STAMBP: variants seen among roughly 807,000 people sequenced by gnomAD.
The protein encoded by STAMBP is STAM-binding protein.
Under a neutral mutation model 50.7 loss-of-function variants are expected in STAMBP, and 31 were observed. The observed-to-expected ratio is 0.61, with a 90% CI of 0.46 to 0.83. STAMBP has a LOEUF of 0.83. Among genes scored for constraint, STAMBP ranks in the 40% least tolerant of loss-of-function variants. The pLI is 0.00. For missense variants in STAMBP, 472 were observed against 518.9 expected, an observed-to-expected ratio of 0.91 and a Z score of 0.88; for synonymous variants, 211 against 192.4, an observed-to-expected ratio of 1.10 and a Z score of -0.80.
intron 1 of STAMBP, 145 bp downstream of exon 1, chr2:73,829,655 C>T (rs1002045089): frequency 1.3e-5 from 2 of 152,230 alleles, no homozygotes; most frequent in African/African-American, 4.8e-5. Flanking sequence ...ACTATCTCTG[C>T]ATCCCTAGTA....
chr2:73,836,861 A>G (rs985314551), intron 2 of STAMBP, among the ~76,000 whole-genome samples: 1 of 152,148 alleles, frequency 6.6e-6, no homozygotes, highest in Non-Finnish European at 1.5e-5. Context: ...TGGGGAAGAA[A>G]TGGAGGCTTA....
intron 2 of STAMBP, among the ~76,000 whole-genome samples, chr2:73,836,618 C>T (rs1028201683): frequency 2.0e-5 from 3 of 152,220 alleles, no homozygotes; most frequent in Non-Finnish European, 4.4e-5. Context: ...GAGAACACTC[C>T]GCTTGGCCCG....
intron 5 of STAMBP, 36 bp from the exon 6 acceptor site, chr2:73,849,327 C>T: frequency 1.2e-6 from 2 of 1,612,096 alleles, no homozygotes; most frequent in Non-Finnish European, 1.7e-6. Context: ...AGGCAGGGCT[C>T]AGTGGTCGCA....
chr2:73,870,669 T>C (rs951045113), downstream of STAMBP, among the ~76,000 whole-genome samples: 2 of 152,222 alleles, frequency 1.3e-5, no homozygotes, highest in Non-Finnish European at 2.9e-5. Flanking sequence ...TATTCTTAGA[T>C]ATCCCTCCAT....
intron 6 of STAMBP, among the ~76,000 whole-genome samples, chr2:73,849,893 G>A (rs1179375330): frequency 6.6e-6 from 1 of 152,174 alleles, no homozygotes; most frequent in Non-Finnish European, 1.5e-5. Context: ...AATATGTACA[G>A]TATAAGTATT....
intron 2 of STAMBP, among the ~76,000 whole-genome samples, chr2:73,835,562 G>A (rs1674613549): frequency 6.6e-6 from 1 of 152,088 alleles, no homozygotes; most frequent in South Asian, 2.1e-4. Flanking sequence ...AGAGTAGTTA[G>A]GAAATTCTTG....
intron 9 of STAMBP, among the ~76,000 whole-genome samples, chr2:73,861,927 C>T (rs1678377490): frequency 1.3e-5 from 2 of 152,084 alleles, no homozygotes; most frequent in Admixed American, 1.3e-4. Flanking sequence ...TACTTGAGGT[C>T]AGGAGTTCAA....
chr2:73,856,861 A>G (rs1203203974), intron 7 of STAMBP, among the ~76,000 whole-genome samples: 1 of 152,128 alleles, frequency 6.6e-6, no homozygotes, highest in Non-Finnish European at 1.5e-5. Context: ...TGCCTGAAGG[A>G]GGTCTCCAAG....
At chr2:73,871,007 C>T (rs1425823491), downstream of STAMBP, among the ~76,000 whole-genome samples, 1 of 152,104 alleles carries the variant, frequency 6.6e-6, no homozygotes. Flanking sequence ...TGGCCTCAAG[C>T]AATTCTCCCA....
At chr2:73,837,913 G>A (rs1055573021) in intron 2 of STAMBP, among the ~76,000 whole-genome samples, 6 of 152,170 alleles carry the variant, frequency 3.9e-5, no homozygotes, top group Admixed American at 6.5e-5. Flanking sequence ...GGTTCAAGAG[G>A]CAGGAGGAAA....
chr2:73,830,557 C>T (rs913932856), intron 1 of STAMBP, among the ~76,000 whole-genome samples: 4 of 152,250 alleles, frequency 2.6e-5, no homozygotes, highest in African/African-American at 9.6e-5. Context: ...ATTTGATTAA[C>T]TTGAACTGAA....
Position 73,849,402 on chromosome 2 carries a change from G to T in STAMBP, c.782G>T (p.Gly261Val), listed in dbSNP as rs904813929. The T allele has an allele frequency of 6.2e-7, 1 of 1,614,066 alleles. No individual in the cohort carries two copies. The highest frequency in any genetic ancestry group is 1.7e-5 in the Admixed American group (1 of 60,004). ...GGATTGCGCCATGTGGTGGTGCCTG[G>T]GCGGCTGTGCCCACAGTTTCTCCAG... Reference protein sequence around the residue: ...IDGLRHVVVPGRLCPQFLQLA... With the variant: ...IDGLRHVVVPVRLCPQFLQLA... The change falls in exon 6 of 10, where the codon GGG becomes GTG. Residue 261 changes from glycine to valine, a missense_variant. By Grantham distance (109) the Gly-to-Val change is moderately radical. Transcript: ENST00000394070.
At chr2:73,846,619 C>A in intron 4 of STAMBP, among the ~76,000 whole-genome samples, 1 of 139,078 alleles carries the variant, frequency 7.2e-6, no homozygotes, top group African/African-American at 2.7e-5. Context: ...GAGTGAGACT[C>A]TCTAAGAAAA....
downstream of STAMBP, among the ~76,000 whole-genome samples, chr2:73,868,162 A>G (rs561404388): frequency 2.6e-3 from 393 of 152,118 alleles, no homozygotes; most frequent in African/African-American, 9.0e-3. Flanking sequence ...AGTAAATGAC[A>G]TAAGTCATTT....
At chr2:73,857,128 T>C (rs1677649139) in intron 7 of STAMBP, among the ~76,000 whole-genome samples, 1 of 152,234 alleles carries the variant, frequency 6.6e-6, no homozygotes, top group South Asian at 2.1e-4. Context: ...CAGTGGTCTT[T>C]GAGTTTTAAC....
chr2:73,831,841 A>C (rs1408387784), intron 2 of STAMBP, among the ~76,000 whole-genome samples: 3 of 152,138 alleles, frequency 2.0e-5, no homozygotes, highest in African/African-American at 7.2e-5. Flanking sequence ...AATAGGGTAC[A>C]CTACCCTACA....
intron 7 of STAMBP, among the ~76,000 whole-genome samples, chr2:73,854,251 A>G (rs1004757256): frequency 3.3e-5 from 5 of 152,346 alleles, no homozygotes; most frequent in Middle Eastern, 3.4e-3. Flanking sequence ...GTTTTAGACA[A>G]TCTTGACCTC....
In STAMBP at chr2:73,845,195, C is replaced by T; in HGVS notation, c.308C>T (p.Ala103Val). 6.2e-7 allele frequency: 1 copy of T among 1,614,004 alleles called. No individual in the cohort carries two copies. Among genetic ancestry groups the T allele is most frequent in the Non-Finnish European group, 8.5e-7 (1 of 1,179,922 alleles). Residue 103 changes from alanine (A) to valine (V), a missense_variant, in exon 4 of 10, where the codon GCA (alanine) becomes GTA (valine). Ala to Val is a moderately conservative substitution (Grantham distance 64, BLOSUM62 0). Coordinates refer to ENST00000394070, the MANE Select transcript of STAMBP (RefSeq NM_213622.4). ...KKLKEIAFPK[A>V]EELKAELLKR... ...TTAAAGGAGATTGCATTTCCCAAAG[C>T]AGAAGAGCTGAAGGCAGAGCTGTTA...
chr2:73,843,559 G>A (rs1481519661), intron 2 of STAMBP, among the ~76,000 whole-genome samples: 3 of 151,790 alleles, frequency 2.0e-5, no homozygotes, highest in African/African-American at 4.8e-5. Context: ...ATGAGCCACC[G>A]CACCCAGCCT....
Sources: gnomAD v4.1 joint callset for allele counts (sites outside exome capture counted in the v4.1 genomes callset) on GRCh38, gnomAD v4.1.1 for gene constraint, MANE v1.5 for transcripts, NCBI Gene and HGNC (gene_info 2026-07-23, HGNC 2026-07-21) for gene names.